Variants in PRSS55 observed in about 807,000 individuals in gnomAD.
The protein encoded by PRSS55 is serine protease 55, also known as probable serine protease UNQ9391/PRO34284.
A neutral mutation model predicts 23.6 loss-of-function variants in PRSS55; 41 were observed. The observed-to-expected ratio is 1.74, with a 90% CI of 1.35 to 2.26. The LOEUF (loss-of-function observed/expected upper bound fraction) is 2.26, where lower values mean the gene tolerates loss of function less well. Among genes scored for constraint, PRSS55 ranks in the 30% most tolerant of loss-of-function variants. The pLI is 0.00. For missense variants in PRSS55, 669 were observed against 439.1 expected (o/e 1.52, Z -4.68); for synonymous variants, 262 against 175.5 (o/e 1.49, Z -3.90).
intron 4 of PRSS55, among the ~76,000 whole-genome samples, chr8:10,549,863 G>C (rs376624684): frequency 6.6e-6 from 1 of 152,326 alleles, no homozygotes; most frequent in South Asian, 2.1e-4. Flanking sequence ...CTGGCTCTCA[G>C]TCTTTCTGTA....
chr8:10,544,963 C>T (rs924387938), intron 4 of PRSS55: 2 of 974,830 alleles, frequency 2.1e-6, no homozygotes, highest in Admixed American at 6.2e-5. Flanking sequence ...TTTATATTAA[C>T]TTTAACAGGG....
At chr8:10,532,005 A>C (rs1253079032) in intron 3 of PRSS55, among the ~76,000 whole-genome samples, 1 of 152,154 alleles carries the variant, frequency 6.6e-6, no homozygotes, top group African/African-American at 2.4e-5. Context: ...GCCAAAACAG[A>C]AGAAAGTCTA....
At chr8:10,539,993 A>G (rs1169141198), downstream of PRSS55, among the ~76,000 whole-genome samples, 2 of 151,998 alleles carry the variant, frequency 1.3e-5, no homozygotes, top group African/African-American at 4.8e-5. Context: ...CTTCTGGCTC[A>G]TCCTGGAGCC....
chr8:10,535,213 A>G (rs894159316), intron 4 of PRSS55, among the ~76,000 whole-genome samples: 4 of 152,232 alleles, frequency 2.6e-5, no homozygotes, highest in Non-Finnish European at 5.9e-5. Context: ...TTAGAAAAAA[A>G]TTATTTTAAA....
At chr8:10,549,554 G>A (rs546567401) in intron 4 of PRSS55, among the ~76,000 whole-genome samples, 138 of 152,314 alleles carry the variant, frequency 9.1e-4, no homozygotes, top group African/African-American at 2.6e-3. Context: ...ATGTGACAGT[G>A]ATGAGACCCC....
rs954909118 is a variant in PRSS55 at position 10,551,178 on chromosome 8, C to G, written c.742-2765C>G. On this transcript the variant is annotated intron_variant, in intron 4 of 4. Transcript: ENST00000522210. ...TCTGTGCTCAACAAGCAATAAAGGT[C>G]GTGCTTCATGGCTGAAGGTTGAAAG... Among the ~76,000 whole-genome samples the G allele has an allele frequency of 5.3e-5, 8 of 152,180 alleles. No homozygotes were observed. The East Asian group carries it at 1.3e-3, about 26-fold the overall frequency.
At chr8:10,533,811 T>G (rs1371348091) in intron 4 of PRSS55, among the ~76,000 whole-genome samples, 1 of 152,154 alleles carries the variant, frequency 6.6e-6, no homozygotes, top group East Asian at 1.9e-4. Flanking sequence ...ATGAAGATGA[T>G]AAATATTCTG....
intron 4 of PRSS55, among the ~76,000 whole-genome samples, chr8:10,549,429 A>C (rs1158584015): frequency 6.6e-6 from 1 of 152,090 alleles, no homozygotes; most frequent in Non-Finnish European, 1.5e-5. Context: ...GGCATTTCAG[A>C]GGGTGGATGA....
chr8:10,532,956 A>G lies in PRSS55; in HGVS notation c.649A>G (p.Met217Val), dbSNP rs764684891. ...TDLMKAPMVI[M>V]DWEECSKMFP... is the part of the protein sequence containing the mutation. ...TCTGATGAAAGCGCCAATGGTCATC[A>G]TGGACTGGGAGGAGTGTTCAAAGAT... Residue 217 changes from methionine to valine, a missense_variant, in exon 4 of 5, where the codon ATG becomes GTG. Transcript: ENST00000328655. The G allele has an allele frequency of 1.9e-6, 3 of 1,614,210 alleles. No individual in the cohort carries two copies. The South Asian group carries it at 3.3e-5, about 18-fold the overall frequency.
intron 3 of PRSS55, among the ~76,000 whole-genome samples, chr8:10,531,938 T>A (rs1490371389): frequency 1.3e-5 from 2 of 152,342 alleles, no homozygotes; most frequent in African/African-American, 4.8e-5. Context: ...TCCTGGAGCG[T>A]TGCCTGGCTC....
chr8:10,539,415 G>A (rs142767202), downstream of PRSS55, among the ~76,000 whole-genome samples: 13 of 152,346 alleles, frequency 8.5e-5, no homozygotes, highest in Admixed American at 3.3e-4. Flanking sequence ...CATTACTCCT[G>A]TCCATAAAAA....
chr8:10,549,553 T>C (rs1367759483), intron 4 of PRSS55, among the ~76,000 whole-genome samples: 1 of 152,154 alleles, frequency 6.6e-6, no homozygotes, highest in Non-Finnish European at 1.5e-5. Context: ...AATGTGACAG[T>C]GATGAGACCC....
intron 4 of PRSS55, among the ~76,000 whole-genome samples, chr8:10,545,826 T>C (rs1812803797): frequency 1.3e-5 from 2 of 152,262 alleles, no homozygotes; most frequent in African/African-American, 4.8e-5. Flanking sequence ...TGCTCTGCAA[T>C]GCAAAGTGCA....
chr8:10,539,222 A>G (rs1241913521), downstream of PRSS55, among the ~76,000 whole-genome samples: 1 of 152,142 alleles, frequency 6.6e-6, no homozygotes, highest in Non-Finnish European at 1.5e-5. Context: ...TGTTCTAGGA[A>G]GTTAGTCTCT....
At chr8:10,538,927 G>T, downstream of PRSS55, 2 of 896,138 alleles carry the variant, frequency 2.2e-6, no homozygotes, top group East Asian at 2.6e-5. Context: ...GAGTCACCCT[G>T]GGTCCCTGGT....
intron 4 of PRSS55, among the ~76,000 whole-genome samples, chr8:10,547,207 C>G (rs1812838847): frequency 6.6e-6 from 1 of 152,198 alleles, no homozygotes; most frequent in Non-Finnish European, 1.5e-5. Context: ...AACACTCTTT[C>G]CAGAGTGAGC....
intron 4 of PRSS55, among the ~76,000 whole-genome samples, chr8:10,536,139 C>T (rs1003920777): frequency 9.2e-5 from 14 of 152,136 alleles, no homozygotes; most frequent in Non-Finnish European, 1.8e-4. Context: ...TGAGCCCAGA[C>T]TGCTGCCACT....
chr8:10,553,944 A>G (rs1813005814), exon 5 of PRSS55: 2 of 1,513,774 alleles, frequency 1.3e-6, no homozygotes, highest in African/African-American at 1.4e-5. Flanking sequence ...TTTTTAAAGC[A>G]AAGCTATTTT....
chr8:10,529,721 C>G (rs1489632876), intron 2 of PRSS55, 22 bp downstream of exon 2: 1 of 1,600,064 alleles, frequency 6.2e-7, no homozygotes, highest in African/African-American at 1.3e-5. Context: ...GGGCCTCCCA[C>G]TGCCACCTCT....
Sources: gnomAD v4.1 joint callset for allele counts (sites outside exome capture counted in the v4.1 genomes callset) on GRCh38, gnomAD v4.1.1 for gene constraint, MANE v1.5 for transcripts, NCBI Gene and HGNC (gene_info 2026-07-23, HGNC 2026-07-21) for gene names.